DCC: variants seen among roughly 807,000 people sequenced by gnomAD.
DCC encodes DCC netrin 1 receptor, also known as netrin receptor DCC.
In DCC, 58 loss-of-function variants were observed where a neutral mutation model predicts 172.5. That is an observed-to-expected ratio of 0.34 (90% CI 0.27 to 0.42). The LOEUF (loss-of-function observed/expected upper bound fraction) is 0.42. DCC is among the 10% of genes least tolerant of loss of function. The pLI is 1.00. For missense variants in DCC, 1,740 were observed against 1,791.0 expected (o/e 0.97, Z 0.51); for synonymous variants, 709 against 644.5 (o/e 1.10, Z -1.52).
At chr18:52,908,222 T>C (rs73458957) in intron 3 of DCC, among the ~76,000 whole-genome samples, 20 of 152,262 alleles carry the variant, frequency 1.3e-4, no homozygotes, top group African/African-American at 4.8e-4. Context: ...CAATTGAAAG[T>C]TTCCAGGTGC....
chr18:52,886,568 A>C (rs1372484627), intron 2 of DCC, among the ~76,000 whole-genome samples: 1 of 152,126 alleles, frequency 6.6e-6, no homozygotes, highest in African/African-American at 2.4e-5. Context: ...TCACTTGCCT[A>C]AGACAAGGTC....
chr18:53,366,146 TC>T (rs1348575140), intron 15 of DCC, among the ~76,000 whole-genome samples: 1 of 152,058 alleles, frequency 6.6e-6, no homozygotes, highest in Non-Finnish European at 1.5e-5. Flanking sequence ...AATCTCCGCC[TC>T]CTGGGTTCAA....
intron 3 of DCC, among the ~76,000 whole-genome samples, chr18:52,913,099 A>G (rs1174664310): frequency 6.6e-6 from 1 of 152,056 alleles, no homozygotes; most frequent in African/African-American, 2.4e-5. Context: ...ACCAGATGAT[A>G]ACTTTAGCCT....
chr18:53,339,716 C>G lies in DCC; in HGVS notation c.2168C>G (p.Ser723Cys), dbSNP rs780972232. ...AETPENDLDE[S>C]QVPDQPSSLH... The stretch of plus-strand genomic sequence containing the variant: ...GATGCCTCTTTTTGAATGCTAGAAT[C>G]TCAAGTTCCTGATCAACCAAGCTCT... The change falls in exon 15 of 29, where the codon TCT becomes TGT. Residue 723 changes from serine to cysteine, a missense_variant. Around this residue, in one of 2 missense-constraint regions of DCC, gnomAD observed 1,732 missense variants for 1,767.4 expected, o/e 0.98. Transcript: ENST00000442544. The G allele has an allele frequency of 1.2e-6, 2 of 1,613,498 alleles. No homozygotes were observed. Among genetic ancestry groups the G allele is most frequent in the Admixed American group, 3.3e-5 (2 of 59,958 alleles).
At chr18:53,390,869 T>A (rs1908504473) in intron 16 of DCC, among the ~76,000 whole-genome samples, 1 of 152,214 alleles carries the variant, frequency 6.6e-6, no homozygotes. Flanking sequence ...ATGTGTAATA[T>A]GGGAACTCCT....
At chr18:52,655,986 G>GTATA (rs61544050) in intron 1 of DCC, among the ~76,000 whole-genome samples, 6 of 136,272 alleles carry the variant, frequency 4.4e-5, no homozygotes, top group Admixed American at 1.6e-4. Flanking sequence ...GTGTGTGTGT[G>GTATA]TATATATATA....
chr18:52,444,869 A>G (rs1385151356), intron 1 of DCC, among the ~76,000 whole-genome samples: 1 of 152,222 alleles, frequency 6.6e-6, no homozygotes, highest in Non-Finnish European at 1.5e-5. Flanking sequence ...AAGTATGGTG[A>G]AAAGCAAATA....
intron 2 of DCC, among the ~76,000 whole-genome samples, chr18:52,795,781 G>A (rs1359709252): frequency 6.6e-6 from 1 of 151,640 alleles, no homozygotes; most frequent in African/African-American, 2.4e-5. Flanking sequence ...ATTGGTTTTG[G>A]CATACTGTTT....
At chr18:52,803,043 C>CT (rs1328882105) in intron 2 of DCC, among the ~76,000 whole-genome samples, 3 of 152,082 alleles carry the variant, frequency 2.0e-5, no homozygotes. Context: ...AATAATCTGT[C>CT]TGAAGTGGTG....
At chr18:52,675,306 C>T (rs1253919990) in intron 1 of DCC, among the ~76,000 whole-genome samples, 1 of 152,148 alleles carries the variant, frequency 6.6e-6, no homozygotes, top group African/African-American at 2.4e-5. Flanking sequence ...CCAACTGCCT[C>T]GGCCTCCCAA....
intron 2 of DCC, among the ~76,000 whole-genome samples, chr18:52,877,257 A>G (rs2039417424): frequency 1.3e-5 from 2 of 152,266 alleles, no homozygotes; most frequent in Admixed American, 1.3e-4. Flanking sequence ...AACACCTATT[A>G]CAAGCCCGTC....
chr18:53,295,049 T>G (rs1037361264), intron 12 of DCC, among the ~76,000 whole-genome samples: 3 of 152,176 alleles, frequency 2.0e-5, no homozygotes, highest in Non-Finnish European at 4.4e-5. Flanking sequence ...TAAAATTTTA[T>G]TTAAAATCAA....
intron 1 of DCC, among the ~76,000 whole-genome samples, chr18:52,381,560 TATA>T (rs1760463365): frequency 6.6e-6 from 1 of 152,118 alleles, no homozygotes; most frequent in East Asian, 1.9e-4. Flanking sequence ...ATGTACTCAA[TATA>T]ACTATACCCT....
intron 1 of DCC, among the ~76,000 whole-genome samples, chr18:52,579,921 A>G (rs184377014): frequency 1.1e-4 from 16 of 152,360 alleles, no homozygotes; most frequent in African/African-American, 2.4e-5. Context: ...TGGATCAAGA[A>G]AGAAGGGAAA....
chr18:52,815,780 ATC>A (rs1458330578), intron 2 of DCC, among the ~76,000 whole-genome samples: 1 of 152,240 alleles, frequency 6.6e-6, no homozygotes, highest in Non-Finnish European at 1.5e-5. Flanking sequence ...ACTATGATAT[ATC>A]TCCAATGATA....
At chr18:53,428,816 TAATA>T (rs1459284234) in intron 21 of DCC, among the ~76,000 whole-genome samples, 3 of 29,232 alleles carry the variant, frequency 1.0e-4, no homozygotes, top group South Asian at 3.3e-3. Context: ...ATTTTATATA[TAATA>T]AATTATATAT....
chr18:53,125,632 T>G (rs2043544946), intron 7 of DCC, among the ~76,000 whole-genome samples: 1 of 152,082 alleles, frequency 6.6e-6, no homozygotes, highest in Admixed American at 6.6e-5. Context: ...AACAAATGGT[T>G]CCATAGAATA....
chr18:52,654,073 C>T (rs1274124705), intron 1 of DCC, among the ~76,000 whole-genome samples: 1 of 152,162 alleles, frequency 6.6e-6, no homozygotes, highest in East Asian at 1.9e-4. Context: ...AGGGAACACC[C>T]TTATTTGGAA....
At chr18:53,481,086 AGAGAG>A (rs962706240) in intron 25 of DCC, 1 of 152,210 alleles carries the variant, frequency 6.6e-6, no homozygotes, top group African/African-American at 2.4e-5. Context: ...AAAATAGAGA[AGAGAG>A]GAGAGAGAGA....
Sources: gnomAD v4.1 joint callset for allele counts (sites outside exome capture counted in the v4.1 genomes callset) on GRCh38, gnomAD v4.1.1 for gene constraint, gnomAD v4.1.1 regional missense constraint, MANE v1.5 for transcripts, NCBI Gene and HGNC (gene_info 2026-07-23, HGNC 2026-07-21) for gene names.